Variants in CDK14 observed in about 807,000 individuals in gnomAD.
The protein encoded by CDK14 is cyclin-dependent kinase 14.
Under a neutral mutation model 60.7 loss-of-function variants are expected in CDK14, and 34 were observed. That is an observed-to-expected ratio of 0.56 (90% CI 0.43 to 0.75). The LOEUF (loss-of-function observed/expected upper bound fraction) is 0.75, where lower values mean the gene tolerates loss of function less well. Among genes scored for constraint, CDK14 ranks in the 30% least tolerant of loss-of-function variants. The pLI is 0.00. For missense variants in CDK14, 482 were observed against 564.1 expected, an observed-to-expected ratio of 0.85 and a Z score of 1.47; for synonymous variants, 197 against 203.7, an observed-to-expected ratio of 0.97 and a Z score of 0.28.
chr7:90,649,430 TTTCTCTTTCCTTCC>T (rs1800574917), intron 2 of CDK14, among the ~76,000 whole-genome samples: 1 of 105,768 alleles, frequency 9.5e-6, no homozygotes, highest in African/African-American at 4.4e-5. Flanking sequence ...TCCTTCTTTC[TTTCTCTTTCCTTCC>T]TTCTTTCCTT....
At position 91,112,606 on chromosome 7, in the gene CDK14, A is replaced by G. The variant is rs1278345449; in HGVS notation, c.1219A>G (p.Arg407Gly). 6.2e-7 allele frequency: 1 copy of G among 1,613,916 alleles called. No homozygotes were observed. The highest frequency in any genetic ancestry group is 8.5e-7 in the Non-Finnish European group (1 of 1,179,874). The part of the protein sequence containing the change: ...SKLLQCSPKN[R>G]LSAQAALSHE... ...GCTCCTACAATGTTCCCCAAAGAACAGACTGTCGGCACAGGCTGCCTTGAG... is the reference window on the plus strand; with the variant it reads ...GCTCCTACAATGTTCCCCAAAGAACGGACTGTCGGCACAGGCTGCCTTGAG... Residue 407 changes from arginine to glycine, a missense_variant, in exon 13 of 15, where the codon AGA becomes GGA. Coordinates refer to ENST00000380050, the MANE Select transcript of CDK14 (RefSeq NM_001287135.2).
At chr7:90,912,435 A>C (rs1314061715) in intron 7 of CDK14, among the ~76,000 whole-genome samples, 3 of 152,206 alleles carry the variant, frequency 2.0e-5, no homozygotes, top group Admixed American at 6.5e-5. Context: ...CATCAACCTC[A>C]TTTAAGATAA....
intron 11 of CDK14, among the ~76,000 whole-genome samples, chr7:91,050,317 C>G (rs762962854): frequency 6.6e-6 from 1 of 152,082 alleles, no homozygotes. Flanking sequence ...TAACAGGAAT[C>G]CAGGGGAGAG....
At chr7:90,953,538 A>G (rs774205064) in intron 8 of CDK14, among the ~76,000 whole-genome samples, 2 of 152,194 alleles carry the variant, frequency 1.3e-5, no homozygotes, top group Non-Finnish European at 2.9e-5. Flanking sequence ...CTGAAATTAC[A>G]TGTGGTTATT....
chr7:90,698,837 C>T (rs1471533695), intron 2 of CDK14, among the ~76,000 whole-genome samples: 1 of 152,152 alleles, frequency 6.6e-6, no homozygotes, highest in East Asian at 1.9e-4. Context: ...TAAACCTTAT[C>T]TTTGATACTT....
Position 90,596,526 on chromosome 7 carries a change from T to G in CDK14, c.-102T>G, listed in dbSNP as rs1799189002. Reference sequence around the variant, plus strand: ...GCTTCCCGGCCCGCCGAGGAGGTGGTGGAGGAGGAGGCGCCGCTTTCCCCG... The same window carrying G: ...GCTTCCCGGCCCGCCGAGGAGGTGGGGGAGGAGGAGGCGCCGCTTTCCCCG... On this transcript the variant is annotated 5_prime_UTR_variant, in exon 1 of 15. Transcript: ENST00000380050. 2.2e-6 allele frequency: 2 copies of G among 917,240 alleles called. No homozygotes were observed. Among genetic ancestry groups the G allele is most frequent in the African/African-American group, 1.7e-5 (1 of 60,264 alleles). 56.8% of individuals were successfully genotyped at this position (917,240 alleles called of 1,614,324 possible).
rs1563029806 is a variant in CDK14 at position 90,649,313 on chromosome 7, C to CTTTCT, written c.123+45066_123+45067insTCTTT. Among the ~76,000 whole-genome samples the CTTTCT allele has an allele frequency of 2.8e-4, 10 of 35,644 alleles. 2 individuals carry two copies. The highest frequency in any genetic ancestry group is 0.011 in the Middle Eastern group (1 of 90). 23.4% of individuals were successfully genotyped at this position (35,644 alleles called of 152,430 possible). A position where few individuals can be genotyped will look rare whatever the true frequency, so the allele number is the denominator to read the frequency against. On this transcript the variant is annotated intron_variant, in intron 2 of 14. Transcript: ENST00000380050. ...CTTTCTTTCTTTCTTTCTTTCTTTC[C>CTTTCT]TTCCTTCCTTCCTTCCTTCCTTCCT...
Position 91,125,090 on chromosome 7 carries a change from C to T in CDK14, c.*28+6882C>T, listed in dbSNP as rs1240193424. ...GATGGTCTGGGATGACATTTGAATG[C>T]ACAGAGGACAATGTCTAAATGACAA... On this transcript the variant is annotated intron_variant, in intron 14 of 14. Coordinates refer to ENST00000380050, the MANE Select transcript of CDK14 (RefSeq NM_001287135.2). 2.0e-5 allele frequency among the ~76,000 whole-genome samples: 3 copies of T among 152,192 alleles called. No individual in the cohort carries two copies. In the East Asian group the frequency reaches 5.8e-4, roughly 29 times the overall value.
intron 5 of CDK14, among the ~76,000 whole-genome samples, chr7:90,795,880 G>A (rs1366960717): frequency 6.6e-6 from 1 of 152,154 alleles, no homozygotes; most frequent in African/African-American, 2.4e-5. Flanking sequence ...TAGTGGTATT[G>A]AAGGACCAGT....
Position 90,954,943 on chromosome 7 carries a change from G to GA in CDK14, c.827-745dup, listed in dbSNP as rs140152578. ...CCCGGCCCTTTTTTTTTTTTAGAGG[G>GA]AAAAAAAAACAGACCTACAAATATT... On this transcript the variant is annotated intron_variant, in intron 8 of 14. Transcript: ENST00000380050. Among the ~76,000 whole-genome samples, 727 of 123,388 alleles carry GA rather than the reference G, an allele frequency of 5.9e-3. 24 individuals are homozygous for GA. Among genetic ancestry groups the GA allele is most frequent in the Middle Eastern group, 9.9e-3 (2 of 202 alleles). The allele number at this position is 123,388 out of a possible 152,430, so 80.9% of individuals were successfully genotyped here. A position where few individuals can be genotyped will look rare whatever the true frequency, so the allele number is the denominator to read the frequency against.
chr7:91,176,272 AC>A (rs1801750759), intron 14 of CDK14, among the ~76,000 whole-genome samples: 1 of 152,236 alleles, frequency 6.6e-6, no homozygotes, highest in Non-Finnish European at 1.5e-5. Flanking sequence ...GAGAGCAAAG[AC>A]ACAACATACC....
intron 14 of CDK14, among the ~76,000 whole-genome samples, chr7:91,131,346 T>G (rs1369801813): frequency 2.0e-5 from 3 of 152,114 alleles, no homozygotes; most frequent in African/African-American, 7.2e-5. Flanking sequence ...GTACATGATA[T>G]CCACATAAAT....
chr7:91,127,056 T>C (rs1411059561), intron 14 of CDK14, among the ~76,000 whole-genome samples: 2 of 152,064 alleles, frequency 1.3e-5, no homozygotes. Context: ...AGCTCTCGGC[T>C]CATTAGCAAG....
chr7:91,178,623 C>A (rs1223029006), intron 14 of CDK14, among the ~76,000 whole-genome samples: 1 of 152,122 alleles, frequency 6.6e-6, no homozygotes, highest in Non-Finnish European at 1.5e-5. Context: ...AGGAAAAAAA[C>A]AACCCCATCA....
At chr7:90,915,361 C>A (rs1355580479) in intron 7 of CDK14, among the ~76,000 whole-genome samples, 2 of 152,132 alleles carry the variant, frequency 1.3e-5, no homozygotes, top group Admixed American at 1.3e-4. Context: ...ATGGCATGAA[C>A]CCGGGAGGCA....
chr7:90,907,766 C>G (rs1792760196), intron 7 of CDK14, among the ~76,000 whole-genome samples: 1 of 152,040 alleles, frequency 6.6e-6, no homozygotes, highest in Non-Finnish European at 1.5e-5. Context: ...TTTATTATGG[C>G]TGAAAACTTG....
At chr7:90,816,446 T>C (rs781317333) in intron 5 of CDK14, among the ~76,000 whole-genome samples, 1 of 152,244 alleles carries the variant, frequency 6.6e-6, no homozygotes, top group Non-Finnish European at 1.5e-5. Context: ...TTTCTAGGAC[T>C]TATTTTCTTT....
chr7:91,011,179 A>G (rs1046035665), intron 10 of CDK14, among the ~76,000 whole-genome samples: 15 of 152,006 alleles, frequency 9.9e-5, no homozygotes, highest in African/African-American at 3.6e-4. Context: ...ATCTTGAACA[A>G]CAACAACAAA....
At position 90,603,237 on chromosome 7, in the gene CDK14, T is replaced by G. The variant is rs564354017; in HGVS notation, c.92-981T>G. Among the ~76,000 whole-genome samples, 3 of 152,330 alleles carry G rather than the reference T, an allele frequency of 2.0e-5. No individual in the cohort carries two copies. The East Asian group carries it at 5.8e-4, about 29-fold the overall frequency. On this transcript the variant is annotated intron_variant, in intron 1 of 14. Coordinates refer to ENST00000380050, the MANE Select transcript of CDK14 (RefSeq NM_001287135.2). The stretch of plus-strand genomic sequence containing the variant: ...TAAGTAATTGTAAAATGTAAGGAAC[T>G]AGATGTTTGCCAACTGTAGGTGAAA...
Sources: gnomAD v4.1 joint callset for allele counts (sites outside exome capture counted in the v4.1 genomes callset) on GRCh38, gnomAD v4.1.1 for gene constraint, MANE v1.5 for transcripts, NCBI Gene and HGNC (gene_info 2026-07-23, HGNC 2026-07-21) for gene names.